Variants in TXNRD1 observed in about 807,000 individuals in gnomAD.
TXNRD1 encodes thioredoxin reductase 1, cytoplasmic.
Under a neutral mutation model 80.3 loss-of-function variants are expected in TXNRD1, and 57 were observed. The ratio of observed to expected loss-of-function variants is 0.71; its 90% CI spans 0.57 to 0.89. The LOEUF (loss-of-function observed/expected upper bound fraction) is 0.89, where lower values mean the gene tolerates loss of function less well. Ranked by LOEUF, TXNRD1 falls within the 40% of genes least tolerant of loss-of-function variation. The pLI, the probability that TXNRD1 is intolerant of heterozygous loss-of-function variation, is 0.00. For synonymous variants in TXNRD1, 291 were observed against 285.2 expected, an observed-to-expected ratio of 1.02 and a Z score of -0.20; for missense variants, 730 against 803.0, an observed-to-expected ratio of 0.91 and a Z score of 1.10.
chr12:104,246,119 CA>C (rs34505052), intron 1 of TXNRD1, among the ~76,000 whole-genome samples: 71 of 82,852 alleles, frequency 8.6e-4, no homozygotes, highest in Non-Finnish European at 9.4e-4. Context: ...GACTCTGTCT[CA>C]AAAAAAAAAA....
chr12:104,245,504 C>T (rs4246265), intron 1 of TXNRD1, among the ~76,000 whole-genome samples: 75,654 of 111,258 alleles, frequency 0.68, 25,679 homozygotes, highest in Non-Finnish European at 0.74. Context: ...GCAACAAGAG[C>T]GAAACTCCAT....
intron 16 of TXNRD1, among the ~76,000 whole-genome samples, chr12:104,346,480 G>A (rs2036495204): frequency 6.6e-6 from 1 of 152,134 alleles, no homozygotes; most frequent in South Asian, 2.1e-4. Flanking sequence ...CTGAGAAATA[G>A]AACCCAGGCT....
At chr12:104,331,802 TTAG>T (rs553097061) in intron 14 of TXNRD1, among the ~76,000 whole-genome samples, 161 bp downstream of exon 14, 4 of 150,250 alleles carry the variant, frequency 2.7e-5, no homozygotes, top group Non-Finnish European at 4.4e-5. Flanking sequence ...TTATACACTT[TTAG>T]TAGTCTCTCA....
At chr12:104,228,813 G>A (rs1389776822) in intron 1 of TXNRD1, among the ~76,000 whole-genome samples, 3 of 151,564 alleles carry the variant, frequency 2.0e-5, no homozygotes. Context: ...TCCGCCTCCC[G>A]GGTTCACGCC....
intron 3 of TXNRD1, chr12:104,276,543 TCAGAACTGGTTTAC>T (rs1365662740): frequency 6.6e-6 from 1 of 152,278 alleles, no homozygotes; most frequent in African/African-American, 2.4e-5. Context: ...CCACCACCAC[TCAGAACTGGTTTAC>T]CAGAACACCT....
chr12:104,334,396 T>G (rs372259828), intron 15 of TXNRD1, 64 bp downstream of exon 15: 15 of 1,060,362 alleles, frequency 1.4e-5, no homozygotes, highest in African/African-American at 6.6e-5. Flanking sequence ...TTGTTGTTTT[T>G]TTTTTAGATG....
chr12:104,340,360 C>T (rs1358790194), intron 16 of TXNRD1, among the ~76,000 whole-genome samples: 1 of 152,130 alleles, frequency 6.6e-6, no homozygotes, highest in African/African-American at 2.4e-5. Flanking sequence ...GGGAAGGAGC[C>T]AATTAACTTT....
rs1166778729 is a variant in TXNRD1, at chr12:104,315,822, T to C, written c.656T>C (p.Leu219Pro). The C allele has an allele frequency of 6.2e-7, 1 of 1,612,632 alleles. No individual in the cohort carries two copies. The highest frequency in any genetic ancestry group is 1.7e-5 in the Admixed American group (1 of 59,968). ...AATGTGGGTTGCATACCTAAAAAAC[T>C]GATGCATCAAGCAGCTTTGTTAGGA... ...CVNVGCIPKKLMHQAALLGQA... is the reference protein window; with the variant it reads ...CVNVGCIPKKPMHQAALLGQA... The change falls in exon 7 of 17, where the codon CTG (leucine) becomes CCG (proline). Residue 219 changes from leucine (L) to proline (P), a missense_variant. Transcript: ENST00000525566.
intron 1 of TXNRD1, among the ~76,000 whole-genome samples, chr12:104,219,823 A>G (rs143093829): frequency 1.0e-3 from 152 of 152,254 alleles, no homozygotes; most frequent in African/African-American, 3.6e-3. Flanking sequence ...CCAAAAGCCA[A>G]TGCTATTAAC....
intron 3 of TXNRD1, among the ~76,000 whole-genome samples, chr12:104,274,422 A>T (rs7139336): frequency 1.2e-4 from 19 of 152,100 alleles, no homozygotes; most frequent in Admixed American, 5.2e-4. Flanking sequence ...GCTGCCGGGC[A>T]CGGTGGCTCA....
intron 3 of TXNRD1, among the ~76,000 whole-genome samples, chr12:104,270,298 A>T (rs567874726): frequency 6.6e-6 from 1 of 152,360 alleles, no homozygotes; most frequent in Admixed American, 6.5e-5. Context: ...TTCTTAAATA[A>T]TAAGACTTGA....
At chr12:104,265,553 T>TG in intron 3 of TXNRD1, 2 of 1,609,282 alleles carry the variant, frequency 1.2e-6, no homozygotes, top group Non-Finnish European at 1.7e-6. Flanking sequence ...AGGATCTGGC[T>TG]GCGCTATGAC....
At chr12:104,310,035 C>G (rs985394661) in intron 4 of TXNRD1, 18 of 1,536,100 alleles carry the variant, frequency 1.2e-5, no homozygotes, top group African/African-American at 2.7e-5. Context: ...TCCGCTGACC[C>G]CAAGCTCTGC....
intron 3 of TXNRD1, among the ~76,000 whole-genome samples, chr12:104,281,993 A>G (rs2033889297): frequency 6.6e-6 from 1 of 152,156 alleles, no homozygotes; most frequent in African/African-American, 2.4e-5. Context: ...TTAGGGCTTT[A>G]GTATGTTGAA....
chr12:104,233,597 C>T (rs2032670774), intron 1 of TXNRD1, among the ~76,000 whole-genome samples: 1 of 152,244 alleles, frequency 6.6e-6, no homozygotes, highest in East Asian at 1.9e-4. Flanking sequence ...TCTCGGCTCA[C>T]TGCAACCTCT....
At chr12:104,240,632 A>G (rs1180324876) in intron 1 of TXNRD1, among the ~76,000 whole-genome samples, 1 of 152,126 alleles carries the variant, frequency 6.6e-6, no homozygotes, top group Non-Finnish European at 1.5e-5. Context: ...CAGTTTAGTA[A>G]TTGTCCACAG....
chr12:104,268,049 T>C (rs1386925336), intron 3 of TXNRD1, among the ~76,000 whole-genome samples: 3 of 151,242 alleles, frequency 2.0e-5, no homozygotes, highest in Non-Finnish European at 4.4e-5. Context: ...CAGGGTTTCA[T>C]CATGTTGTCC....
At chr12:104,322,372 ACCT>A (rs2035564994) in intron 10 of TXNRD1, among the ~76,000 whole-genome samples, 1 of 89,280 alleles carries the variant, frequency 1.1e-5, no homozygotes, top group Non-Finnish European at 2.2e-5. Context: ...TTTTATTTTT[ACCT>A]TTTTTTTTTT....
intron 1 of TXNRD1, among the ~76,000 whole-genome samples, chr12:104,221,642 A>G (rs1435100651): frequency 2.0e-5 from 3 of 152,220 alleles, no homozygotes; most frequent in African/African-American, 7.2e-5. Flanking sequence ...GTGGTAGTGC[A>G]GTGGTTTTCA....
Sources: gnomAD v4.1 joint callset for allele counts (sites outside exome capture counted in the v4.1 genomes callset) on GRCh38, gnomAD v4.1.1 for gene constraint, MANE v1.5 for transcripts, NCBI Gene and HGNC (gene_info 2026-07-23, HGNC 2026-07-21) for gene names.